The following LSAMP variants were observed in gnomAD, a reference collection of about 807,000 sequenced individuals.
LSAMP encodes limbic system-associated membrane protein.
A neutral mutation model predicts 38.6 loss-of-function variants in LSAMP; 7 were observed. The ratio of observed to expected loss-of-function variants is 0.18; its 90% confidence interval spans 0.10 to 0.34. The LOEUF (loss-of-function observed/expected upper bound fraction) is 0.34. LSAMP is among the 10% of genes least tolerant of loss of function. LSAMP has a pLI of 1.00. For missense variants in LSAMP, 313 were observed against 420.0 expected, an observed-to-expected ratio of 0.75 and a Z score of 2.23; for synonymous variants, 154 against 166.8, an observed-to-expected ratio of 0.92 and a Z score of 0.59.
chr3:116,192,170 G>A (rs1184087457), intron 1 of LSAMP, among the ~76,000 whole-genome samples: 1 of 152,164 alleles, frequency 6.6e-6, no homozygotes. Context: ...TCATTGTATT[G>A]GATATTAATA....
At chr3:116,153,530 A>C (rs927433856) in intron 1 of LSAMP, among the ~76,000 whole-genome samples, 4 of 152,154 alleles carry the variant, frequency 2.6e-5, no homozygotes, top group Non-Finnish European at 5.9e-5. Context: ...TCAGGGCTGG[A>C]AAGACCACAC....
intron 1 of LSAMP, among the ~76,000 whole-genome samples, chr3:116,170,269 T>G (rs1450785632): frequency 6.6e-6 from 1 of 151,074 alleles, no homozygotes; most frequent in Non-Finnish European, 1.5e-5. Context: ...TGCCTTGGCT[T>G]GTTTTATAAG....
chr3:115,982,756 A>G (rs920814144), intron 3 of LSAMP, among the ~76,000 whole-genome samples: 2 of 151,620 alleles, frequency 1.3e-5, no homozygotes, highest in Non-Finnish European at 2.9e-5. Flanking sequence ...TTTTATCTCC[A>G]TCACTGTCTC....
chr3:116,444,392 A>ACACACACACACACACACAC (rs141638402), intron 1 of LSAMP, among the ~76,000 whole-genome samples: 31 of 144,242 alleles, frequency 2.1e-4, no homozygotes, highest in Non-Finnish European at 3.9e-4. Flanking sequence ...TGGCATGAAA[A>ACACACACACACACACACAC]ACACACACAC....
intron 1 of LSAMP, among the ~76,000 whole-genome samples, chr3:116,325,666 C>T (rs2047760671): frequency 6.6e-6 from 1 of 151,998 alleles, no homozygotes; most frequent in South Asian, 2.1e-4. Context: ...TTTTTTCTGC[C>T]CTGAATTTAT....
chr3:116,248,030 T>C (rs1337419659), intron 1 of LSAMP, among the ~76,000 whole-genome samples: 1 of 152,216 alleles, frequency 6.6e-6, no homozygotes, highest in South Asian at 2.1e-4. Context: ...GGACATATTC[T>C]TTAATGCTGA....
intron 3 of LSAMP, among the ~76,000 whole-genome samples, chr3:115,998,286 G>C (rs1457000961): frequency 6.6e-6 from 1 of 152,018 alleles, no homozygotes. Context: ...GGGGTAAGGG[G>C]TAAATATGAT....
intron 2 of LSAMP, among the ~76,000 whole-genome samples, chr3:116,075,372 G>C (rs1407866280): frequency 6.6e-6 from 1 of 151,048 alleles, no homozygotes; most frequent in African/African-American, 2.4e-5. Flanking sequence ...TCCTGACCTC[G>C]TGATCCGCCC....
At chr3:115,953,774 G>A (rs1288606464) in intron 3 of LSAMP, among the ~76,000 whole-genome samples, 1 of 152,186 alleles carries the variant, frequency 6.6e-6, no homozygotes, top group Non-Finnish European at 1.5e-5. Context: ...ATAAGAGGGA[G>A]TCCTCTCACT....
At chr3:116,089,160 A>T (rs1226440785) in intron 1 of LSAMP, among the ~76,000 whole-genome samples, 1 of 152,222 alleles carries the variant, frequency 6.6e-6, no homozygotes, top group Non-Finnish European at 1.5e-5. Context: ...TTACCTAAAG[A>T]AGTAATTGAC....
intron 1 of LSAMP, among the ~76,000 whole-genome samples, chr3:116,143,216 A>C (rs1709412371): frequency 6.6e-6 from 1 of 151,844 alleles, no homozygotes; most frequent in Non-Finnish European, 1.5e-5. Flanking sequence ...AACGTGATTA[A>C]AAAATGATTA....
At chr3:116,085,915 C>T (rs1707978795) in intron 2 of LSAMP, among the ~76,000 whole-genome samples, 1 of 152,182 alleles carries the variant, frequency 6.6e-6, no homozygotes, top group Non-Finnish European at 1.5e-5. Flanking sequence ...TAGTGCTAAT[C>T]TTCAGGGTGA....
At chr3:116,398,570 C>G (rs779848714) in intron 1 of LSAMP, among the ~76,000 whole-genome samples, 1 of 152,146 alleles carries the variant, frequency 6.6e-6, no homozygotes, top group Non-Finnish European at 1.5e-5. Context: ...TATGCAGCAC[C>G]TAGACTACAT....
At chr3:116,238,187 A>G (rs2867101) in intron 1 of LSAMP, among the ~76,000 whole-genome samples, 109,734 of 152,020 alleles carry the variant, frequency 0.72, 41,058 homozygotes, top group South Asian at 0.84. Flanking sequence ...GGATCCCCGT[A>G]TTTATCACCA....
chr3:116,246,793 G>T (rs1358637409), intron 1 of LSAMP, among the ~76,000 whole-genome samples: 1 of 152,144 alleles, frequency 6.6e-6, no homozygotes, highest in Non-Finnish European at 1.5e-5. Context: ...TGATAAATGG[G>T]CTAGCAGCCC....
intron 1 of LSAMP, among the ~76,000 whole-genome samples, chr3:116,181,518 T>C (rs1710484452): frequency 6.6e-6 from 1 of 152,028 alleles, no homozygotes; most frequent in African/African-American, 2.4e-5. Flanking sequence ...ACATCCAAAA[T>C]GAACCTATTT....
At chr3:115,851,036 C>T (rs1048838902) in intron 4 of LSAMP, among the ~76,000 whole-genome samples, 4 of 152,132 alleles carry the variant, frequency 2.6e-5, no homozygotes, top group Non-Finnish European at 4.4e-5. Flanking sequence ...TGCAGTGGCG[C>T]GATCTCGGCT....
chr3:115,994,522 T>C (rs1249665808), intron 3 of LSAMP, among the ~76,000 whole-genome samples: 1 of 152,088 alleles, frequency 6.6e-6, no homozygotes, highest in Non-Finnish European at 1.5e-5. Context: ...TCTTAGTCTT[T>C]GTAACTGATA....
chr3:116,242,449 T>C (rs2046549593), intron 1 of LSAMP, among the ~76,000 whole-genome samples: 1 of 152,228 alleles, frequency 6.6e-6, no homozygotes, highest in African/African-American at 2.4e-5. Flanking sequence ...CCAGGCCCAG[T>C]TGTCCTGAAG....
Sources: gnomAD v4.1 joint callset for allele counts (sites outside exome capture counted in the v4.1 genomes callset) on GRCh38, gnomAD v4.1.1 for gene constraint, MANE v1.5 for transcripts, NCBI Gene and HGNC (gene_info 2026-07-23, HGNC 2026-07-21) for gene names.